Variants in MACROD1 observed in about 807,000 individuals in gnomAD.
MACROD1 encodes ADP-ribose glycohydrolase MACROD1.
MACROD1 carries 31 observed loss-of-function variants against 41.4 expected under a neutral mutation model. The ratio of observed to expected loss-of-function variants is 0.75; its 90% CI spans 0.56 to 1.01. The LOEUF (loss-of-function observed/expected upper bound fraction) is 1.01. Among genes scored for constraint, MACROD1 ranks in the 50% least tolerant of loss-of-function variants. MACROD1 has a pLI of 0.00. For missense variants in MACROD1, 473 were observed against 460.0 expected, an observed-to-expected ratio of 1.03 and a Z score of -0.26; for synonymous variants, 252 against 203.4, an observed-to-expected ratio of 1.24 and a Z score of -2.03.
chr11:64,110,294 AC>A (rs1212623837), intron 3 of MACROD1, among the ~76,000 whole-genome samples: 2 of 152,152 alleles, frequency 1.3e-5, no homozygotes, highest in East Asian at 3.9e-4. Context: ...TGCAAAAAAT[AC>A]AAAAATTAGC....
rs61884700 is a variant in MACROD1, at chr11:64,036,155, C to T, written c.518-20874G>A. On this transcript the variant is annotated intron_variant, in intron 3 of 10. Coordinates refer to ENST00000255681, the MANE Select transcript of MACROD1 (RefSeq NM_014067.4). The surrounding 1 kb of genome is among the most constrained non-coding windows in gnomAD (Gnocchi z 5.6). ...AGGAGACCCGCCTCCCCGGCCGCTGCGCAGGTAGGGCTGGCTGCACCGGGC... is the reference window on the plus strand; with the variant it reads ...AGGAGACCCGCCTCCCCGGCCGCTGTGCAGGTAGGGCTGGCTGCACCGGGC... The T allele has an allele frequency of 0.032, 4,902 of 152,206 alleles. 143 individuals are homozygous for T. The highest frequency in any genetic ancestry group is 0.049 in the Non-Finnish European group (3,308 of 68,020). 9.4% of individuals were successfully genotyped at this position (152,206 alleles called of 1,614,324 possible).
At position 64,067,242 on chromosome 11, in the gene MACROD1, C is replaced by T. The variant is rs1185124836; in HGVS notation, c.518-51961G>A. ...GTGGGGAGAGGCCTTGCATGGCACC[C>T]ACTCCCACCTGTGCGGCACGAGAGG... On this transcript the variant is annotated intron_variant, in intron 3 of 10. Transcript: ENST00000255681. This position sits in a 1 kb window ranked among gnomAD's most constrained non-coding sequence, Gnocchi z 4.6. Among the ~76,000 whole-genome samples the T allele has an allele frequency of 6.6e-6, 1 of 152,114 alleles. No homozygotes were observed. The highest frequency in any genetic ancestry group is 1.5e-5 in the Non-Finnish European group (1 of 68,012).
intron 3 of MACROD1, among the ~76,000 whole-genome samples, chr11:64,098,904 T>C (rs1320405346): frequency 6.6e-6 from 1 of 152,138 alleles, no homozygotes; most frequent in East Asian, 1.9e-4. Context: ...TACATAAAAA[T>C]CCATCCCAAA....
rs1265315251 is a variant in MACROD1, at chr11:64,122,164, G to A, written c.517+29075C>T. 6.6e-6 allele frequency among the ~76,000 whole-genome samples: 1 copy of A among 152,198 alleles called. No individual in the cohort carries two copies. The highest frequency in any genetic ancestry group is 1.5e-5 in the Non-Finnish European group (1 of 68,026). On this transcript the variant is annotated intron_variant, in intron 3 of 10. Transcript: ENST00000255681. This position sits in a 1 kb window ranked among gnomAD's most constrained non-coding sequence, Gnocchi z 4.0. The stretch of plus-strand genomic sequence containing the variant: ...TAGTCATACTCAATTCCACAGACAT[G>A]ATGTGCATCAAAAGCTCCTTTTCTT...
rs145358494 is a variant in MACROD1, at chr11:64,075,680, T to G, written c.518-60399A>C. On this transcript the variant is annotated intron_variant, in intron 3 of 10. Coordinates refer to ENST00000255681, the MANE Select transcript of MACROD1 (RefSeq NM_014067.4). The stretch of plus-strand genomic sequence containing the variant: ...GAATCTGGCCCTGGCTGCTGCTGCT[T>G]CTTTTTTTTGAGATGGAGTTGCGCT... Among the ~76,000 whole-genome samples the G allele has an allele frequency of 5.2e-3, 793 of 152,316 alleles. 7 individuals are homozygous for G. Among genetic ancestry groups the G allele is most frequent in the African/African-American group, 0.017 (698 of 41,572 alleles).
At chr11:64,023,579 G>A (rs926699596) in intron 3 of MACROD1, among the ~76,000 whole-genome samples, 2 of 152,162 alleles carry the variant, frequency 1.3e-5, no homozygotes, top group Non-Finnish European at 2.9e-5. Context: ...CCAGGGCTAA[G>A]CCCCTCACCA....
intron 4 of MACROD1, chr11:64,001,229 C>G (rs1942820587): frequency 3.4e-6 from 2 of 596,918 alleles, no homozygotes; most frequent in Non-Finnish European, 6.0e-6. Flanking sequence ...CCGGGCTCAC[C>G]CCTCATCGGC....
intron 3 of MACROD1, among the ~76,000 whole-genome samples, chr11:64,089,486 C>A (rs1944452575): frequency 6.6e-6 from 1 of 152,210 alleles, no homozygotes; most frequent in Non-Finnish European, 1.5e-5. Flanking sequence ...GGGTCCAGCC[C>A]CCTCCCCTGA....
chr11:64,085,888 G>T (rs1944385029), intron 3 of MACROD1, among the ~76,000 whole-genome samples: 1 of 152,184 alleles, frequency 6.6e-6, no homozygotes, highest in African/African-American at 2.4e-5. Context: ...GTGAGGAAAG[G>T]GGGCCCTTCT....
chr11:64,132,647 C>G (rs183493870), intron 3 of MACROD1, among the ~76,000 whole-genome samples: 2 of 152,316 alleles, frequency 1.3e-5, no homozygotes, highest in African/African-American at 4.8e-5. Context: ...GAAGCTGGCA[C>G]AGAGAGATGC....
At chr11:64,149,251 T>C (rs943446161) in intron 3 of MACROD1, among the ~76,000 whole-genome samples, 3 of 152,162 alleles carry the variant, frequency 2.0e-5, no homozygotes, top group Admixed American at 1.3e-4. Context: ...GACCGTCATT[T>C]GCACGTCACG....
chr11:64,099,403 C>A (rs1944632234), intron 3 of MACROD1, among the ~76,000 whole-genome samples: 1 of 152,136 alleles, frequency 6.6e-6, no homozygotes, highest in South Asian at 2.1e-4. Flanking sequence ...TGATTAGACT[C>A]AGAATATGTT....
At chr11:64,123,522 G>T (rs1945131790) in intron 3 of MACROD1, among the ~76,000 whole-genome samples, 1 of 134,654 alleles carries the variant, frequency 7.4e-6, no homozygotes, top group Admixed American at 7.7e-5. Flanking sequence ...GACTTTCTGG[G>T]CCTCGATGGG....
At chr11:64,016,729 C>T (rs1047426160) in intron 3 of MACROD1, among the ~76,000 whole-genome samples, 10 of 152,120 alleles carry the variant, frequency 6.6e-5, no homozygotes, top group African/African-American at 2.4e-4. Context: ...GATGGAGAGG[C>T]GAGGAGCGGC....
intron 2 of MACROD1, 142 bp from the exon 3 acceptor site, chr11:64,151,497 G>C (rs1945577784): frequency 1.6e-6 from 1 of 635,866 alleles, no homozygotes; most frequent in Non-Finnish European, 2.8e-6. Flanking sequence ...TGCTGACCCA[G>C]TACCAGGAAC....
At chr11:64,073,968 C>T (rs987039959) in intron 3 of MACROD1, among the ~76,000 whole-genome samples, 4 of 152,154 alleles carry the variant, frequency 2.6e-5, no homozygotes, top group African/African-American at 9.7e-5. Context: ...CCCCAGGGTG[C>T]TTTGGAGGCC....
At chr11:64,134,634 A>AGC (rs1198476272) in intron 3 of MACROD1, among the ~76,000 whole-genome samples, 25 of 152,132 alleles carry the variant, frequency 1.6e-4, no homozygotes, top group Non-Finnish European at 2.1e-4. Context: ...CACCTGAGGA[A>AGC]GCACCTGCCT....
chr11:64,068,052 A>T (rs572547735), intron 3 of MACROD1, among the ~76,000 whole-genome samples: 1 of 152,386 alleles, frequency 6.6e-6, no homozygotes, highest in East Asian at 1.9e-4. Context: ...TGCCTCACAG[A>T]TAAATACATT....
At chr11:64,058,843 G>T (rs560451980) in intron 3 of MACROD1, among the ~76,000 whole-genome samples, 1 of 151,118 alleles carries the variant, frequency 6.6e-6, no homozygotes, top group South Asian at 2.1e-4. Flanking sequence ...AGCCGGCAAG[G>T]GGGGGTAGGA....
Sources: allele counts gnomAD v4.1 joint callset (sites outside exome capture counted in the v4.1 genomes callset), GRCh38; gene constraint gnomAD v4.1.1; non-coding constraint Gnocchi (gnomAD v3.1); transcripts MANE v1.5; gene names NCBI Gene and HGNC (gene_info 2026-07-23, HGNC 2026-07-21).